The following RPS6KA1 variants were observed in gnomAD, a reference collection of about 807,000 sequenced individuals.
RPS6KA1 encodes ribosomal protein S6 kinase A1.
In RPS6KA1, 48 loss-of-function variants were observed where a neutral mutation model predicts 91.3. That is an observed-to-expected ratio of 0.53 (90% confidence interval 0.42 to 0.67). The LOEUF (loss-of-function observed/expected upper bound fraction) is 0.67, where lower values mean the gene tolerates loss of function less well. RPS6KA1 is among the 30% of genes least tolerant of loss of function. The pLI is 0.00. For missense variants in RPS6KA1, 719 were observed against 960.5 expected (o/e 0.75, Z 3.32); for synonymous variants, 359 against 384.7 (o/e 0.93, Z 0.78).
chr1:26,545,971 G>C, intron 2 of RPS6KA1: 1 of 1,607,350 alleles, frequency 6.2e-7, no homozygotes. Context: ...AGGAAGCAGC[G>C]GCCCAGGATC....
chr1:26,573,267 T>C lies in RPS6KA1; in HGVS notation c.1991T>C (p.Leu664Pro). 6.2e-7 allele frequency: 1 copy of C among 1,614,110 alleles called. No individual in the cohort carries two copies. Among genetic ancestry groups the C allele is most frequent in the Non-Finnish European group, 8.5e-7 (1 of 1,179,998 alleles). ...CTACACGTGGATCCCCACCAGCGCC[T>C]CACAGCTAAGCAGGTTCTGCAGCAT... is the stretch of plus-strand genomic sequence containing the variant. ...KMLHVDPHQR[L>P]TAKQVLQHPW... Residue 664 changes from leucine to proline, a missense_variant, in exon 21 of 22, where the codon CTC (leucine) becomes CCC (proline). By Grantham distance (98) the Leu-to-Pro change is moderately conservative. Coordinates refer to ENST00000374168, the MANE Select transcript of RPS6KA1 (RefSeq NM_002953.4).
rs758675893 is a variant in RPS6KA1 at position 26,551,603 on chromosome 1, G to T, written c.389-41G>T. 6 of 1,605,936 alleles carry T rather than the reference G, an allele frequency of 3.7e-6. No individual in the cohort carries two copies. The South Asian group carries it at 6.6e-5, about 18-fold the overall frequency. ...CCAGGGCCGGAGAAGCAGATCATAA[G>T]GCCGCGCCGACTCTACCATTGCCTT... On this transcript the variant is annotated intron_variant, in intron 5 of 21. Coordinates refer to ENST00000374168, the MANE Select transcript of RPS6KA1 (RefSeq NM_002953.4). The surrounding 1 kb of genome is among the most constrained non-coding windows in gnomAD (Gnocchi z 4.5).
At chr1:26,545,172 C>CTTTTTTTTTTTTTTTT (rs765400329) in intron 2 of RPS6KA1, among the ~76,000 whole-genome samples, 1 of 145,118 alleles carries the variant, frequency 6.9e-6, no homozygotes, top group Non-Finnish European at 1.5e-5. Flanking sequence ...CTTTCTTTTT[C>CTTTTTTTTTTTTTTTT]TTTTTCTTTT....
rs528471925 is a variant in RPS6KA1, at chr1:26,540,628, T to C, written c.108+3659T>C. ...CCTCCCTCTGTTGCCCAGGCTGGAG[T>C]GCAGTGGTACAACCACAGCTCACTG... On this transcript the variant is annotated intron_variant, in intron 2 of 21. Transcript: ENST00000374168. This position sits in a 1 kb window ranked among gnomAD's most constrained non-coding sequence, Gnocchi z 4.2. 6.6e-6 allele frequency among the ~76,000 whole-genome samples: 1 copy of C among 152,304 alleles called. No individual in the cohort carries two copies. Among genetic ancestry groups the C allele is most frequent in the South Asian group, 2.1e-4 (1 of 4,826 alleles).
At chr1:26,568,796 G>A (rs1001201068) in intron 17 of RPS6KA1, among the ~76,000 whole-genome samples, 14 of 152,116 alleles carry the variant, frequency 9.2e-5, no homozygotes, top group Non-Finnish European at 1.8e-4. Flanking sequence ...CCATATCCCT[G>A]TGTCCCAGTA....
intron 17 of RPS6KA1, among the ~76,000 whole-genome samples, chr1:26,567,385 T>C (rs1445934633): frequency 1.3e-5 from 2 of 151,890 alleles, no homozygotes; most frequent in African/African-American, 4.8e-5. Flanking sequence ...TGTTGTTGTT[T>C]GTTTGTTTGT....
At position 26,553,434 on chromosome 1, in the gene RPS6KA1, T is replaced by C; in HGVS notation, c.512T>C (p.Leu171Pro). Reference protein sequence around the residue: ...EEDVKFYLAELALGLDHLHSL... With the variant: ...EEDVKFYLAEPALGLDHLHSL... ...GATGTGAAGTTTTACCTGGCTGAGC[T>C]GGCTCTGGGCCTGGATCACCTGCAC... is the stretch of plus-strand genomic sequence containing the variant. Residue 171 changes from leucine to proline, a missense_variant, in exon 7 of 22, where the codon CTG becomes CCG. This residue lies in a region of RPS6KA1 where 159 missense variants were observed against 264.5 expected (regional missense o/e 0.60). Transcript: ENST00000374168. The C allele has an allele frequency of 6.2e-7, 1 of 1,613,412 alleles. No homozygotes were observed. The highest frequency in any genetic ancestry group is 8.5e-7 in the Non-Finnish European group (1 of 1,179,580).
chr1:26,531,050 C>T, intron 1 of RPS6KA1: 1 of 440,644 alleles, frequency 2.3e-6, no homozygotes, highest in Non-Finnish European at 3.3e-6. Flanking sequence ...TTACCTAGGG[C>T]AGCCACCAAG....
chr1:26,548,569 G>A (rs1017686681), intron 4 of RPS6KA1, among the ~76,000 whole-genome samples: 4 of 152,116 alleles, frequency 2.6e-5, no homozygotes, highest in African/African-American at 9.7e-5. Context: ...AAGCTGAGGC[G>A]AGTGGATCAC....
At position 26,558,786 on chromosome 1, in the gene RPS6KA1, ATTC is replaced by A. The variant is rs2076127708; in HGVS notation, c.1085-19_1085-17del. On this transcript the variant is annotated intron_variant, in intron 13 of 21. Transcript: ENST00000374168. This position sits in a 1 kb window ranked among gnomAD's most constrained non-coding sequence, Gnocchi z 4.0. ...AGGGGACCTCCTCAGGTACCCTCAC[ATTC>A]TCCTTCCATCCGTACAGATTCCCCA... The A allele has an allele frequency of 6.3e-7, 1 of 1,588,560 alleles. No homozygotes were observed. The highest frequency in any genetic ancestry group is 1.1e-5 in the South Asian group (1 of 90,064).
Position 26,547,117 on chromosome 1 carries a change from A to G in RPS6KA1, c.226-72A>G. On this transcript the variant is annotated intron_variant, in intron 3 of 21. Transcript: ENST00000374168. The surrounding 1 kb of genome is among the most constrained non-coding windows in gnomAD (Gnocchi z 4.1). ...GAGCAAAAAGGTCAGCTTGGGGCTC[A>G]GAGAAGATAGAGGTCAGCCTGGACT... 6.4e-7 allele frequency: 1 copy of G among 1,567,066 alleles called. No homozygotes were observed. Among genetic ancestry groups the G allele is most frequent in the Non-Finnish European group, 8.8e-7 (1 of 1,138,180 alleles).
intron 7 of RPS6KA1, chr1:26,553,987 G>A (rs1048018979): frequency 8.3e-6 from 4 of 479,270 alleles, no homozygotes; most frequent in Non-Finnish European, 3.8e-6. Flanking sequence ...TTAGCAAAAC[G>A]GGGCCCTAAT....
At position 26,551,136 on chromosome 1, in the gene RPS6KA1, G is replaced by T. The variant is rs1052143575; in HGVS notation, c.308-261G>T. Among the ~76,000 whole-genome samples, 2 of 152,148 alleles carry T rather than the reference G, an allele frequency of 1.3e-5. No individual in the cohort carries two copies. Among genetic ancestry groups the T allele is most frequent in the African/African-American group, 4.8e-5 (2 of 41,438 alleles). On this transcript the variant is annotated intron_variant, in intron 4 of 21. Transcript: ENST00000374168. This position sits in a 1 kb window ranked among gnomAD's most constrained non-coding sequence, Gnocchi z 4.5. ...TCTTGATGGGGTCTGGTGGGAAAAG[G>T]GACCAGAGAGATGGGCAGGGTGCCA...
chr1:26,574,394 T>C lies in RPS6KA1; in HGVS notation c.*193T>C. The C allele has an allele frequency of 2.5e-6, 2 of 796,130 alleles. No homozygotes were observed. Among genetic ancestry groups the C allele is most frequent in the Non-Finnish European group, 4.6e-6 (2 of 436,346 alleles). The allele number at this position is 796,130 out of a possible 1,614,324, so 49.3% of individuals were successfully genotyped here. ...TTCCCCAGGATGGACTCTTCTCGGC[T>C]CAGGCTCTGCTGGTGGAAAGCGATT... On this transcript the variant is annotated 3_prime_UTR_variant, in exon 22 of 22. Coordinates refer to ENST00000374168, the MANE Select transcript of RPS6KA1 (RefSeq NM_002953.4). This position sits in a 1 kb window ranked among gnomAD's most constrained non-coding sequence, Gnocchi z 4.3.
rs749555448 is a variant in RPS6KA1 at position 26,574,452 on chromosome 1, G to A, written c.*251G>A. Reference sequence around the variant, plus strand: ...TAAACTTTTTTTTATGAAAAAAATGGCATCAACCACCATGGATTTTTACAA... The same window carrying A: ...TAAACTTTTTTTTATGAAAAAAATGACATCAACCACCATGGATTTTTACAA... On this transcript the variant is annotated 3_prime_UTR_variant, in exon 22 of 22. Coordinates refer to ENST00000374168, the MANE Select transcript of RPS6KA1 (RefSeq NM_002953.4). This position sits in a 1 kb window ranked among gnomAD's most constrained non-coding sequence, Gnocchi z 4.3. The A allele has an allele frequency of 2.0e-5, 14 of 685,982 alleles. No homozygotes were observed. The highest frequency in any genetic ancestry group is 3.9e-5 in the Non-Finnish European group (14 of 361,104). 42.5% of individuals were successfully genotyped at this position (685,982 alleles called of 1,614,324 possible).
intron 1 of RPS6KA1, among the ~76,000 whole-genome samples, chr1:26,534,768 G>A (rs1174304972): frequency 6.6e-6 from 1 of 152,182 alleles, no homozygotes; most frequent in Non-Finnish European, 1.5e-5. Context: ...TCACGCAGGT[G>A]GTAGAAGCCA....
At chr1:26,549,706 T>C (rs1482002939) in intron 4 of RPS6KA1, among the ~76,000 whole-genome samples, 1 of 147,660 alleles carries the variant, frequency 6.8e-6, no homozygotes, top group Non-Finnish European at 1.5e-5. Context: ...TTTTTTTTTT[T>C]TTTTTTCTTT....
chr1:26,574,577 G>C lies in RPS6KA1; in HGVS notation c.*376G>C. ...CTGAGACTCTTTAGAGCAGCTTTGG[G>C]ATCCCACCCTGGGGACCCCCACGAT... On this transcript the variant is annotated 3_prime_UTR_variant, in exon 22 of 22. Transcript: ENST00000374168. The surrounding 1 kb of genome is among the most constrained non-coding windows in gnomAD (Gnocchi z 4.3). 1 of 411,544 alleles carries C rather than the reference G, an allele frequency of 2.4e-6. No homozygotes were observed. The highest frequency in any genetic ancestry group is 1.8e-5 in the South Asian group (1 of 54,272). The allele number at this position is 411,544 out of a possible 1,614,324, so 25.5% of individuals were successfully genotyped here. A position where few individuals can be genotyped will look rare whatever the true frequency, so the allele number is the denominator to read the frequency against.
rs182006701 is a variant in RPS6KA1, at chr1:26,553,645, A to G, written c.575+148A>G. The G allele has an allele frequency of 1.2e-3, 574 of 487,172 alleles. 2 individuals are homozygous for G. The highest frequency in any genetic ancestry group is 1.4e-3 in the Non-Finnish European group (370 of 264,766). 30.2% of individuals were successfully genotyped at this position (487,172 alleles called of 1,614,324 possible). A position where few individuals can be genotyped will look rare whatever the true frequency, so the allele number is the denominator to read the frequency against. On this transcript the variant is annotated intron_variant, in intron 7 of 21. Transcript: ENST00000374168. ...GGGATGGGTGAGTGGGGTGGGTGGT[A>G]GTGCCAGCTGCCCAGTCACTAATGC...
Sources: allele counts gnomAD v4.1 joint callset (sites outside exome capture counted in the v4.1 genomes callset), GRCh38; gene constraint gnomAD v4.1.1; regional missense constraint gnomAD v4.1.1; non-coding constraint Gnocchi (gnomAD v3.1); transcripts MANE v1.5; gene names NCBI Gene and HGNC (gene_info 2026-07-23, HGNC 2026-07-21).